The following INTU variants were observed in gnomAD, a reference collection of about 807,000 sequenced individuals.
INTU encodes the protein inturned planar cell polarity protein.
INTU carries 68 observed loss-of-function variants against 100.5 expected under a neutral mutation model. That is an observed-to-expected ratio of 0.68 (90% CI 0.56 to 0.83). The LOEUF is 0.83. INTU is among the 40% of genes least tolerant of loss of function. The pLI is 0.00. For synonymous variants in INTU, 357 were observed against 395.7 expected (o/e 0.90, Z 1.16); for missense variants, 1,071 against 1,114.7 (o/e 0.96, Z 0.56).
chr4:127,688,556 CTA>C (rs1393875354), intron 8 of INTU, among the ~76,000 whole-genome samples: 2 of 152,134 alleles, frequency 1.3e-5, no homozygotes, highest in Non-Finnish European at 2.9e-5. Flanking sequence ...GAAACCTAGG[CTA>C]TGTTACAGTA....
chr4:127,643,333 C>T (rs1727415447), intron 1 of INTU, among the ~76,000 whole-genome samples, 188 bp from the exon 2 acceptor site: 2 of 151,988 alleles, frequency 1.3e-5, no homozygotes, highest in Admixed American at 1.3e-4. Context: ...AAAAAAGCAT[C>T]CTATATGAAA....
chr4:127,668,786 C>T (rs1728801343), intron 4 of INTU, among the ~76,000 whole-genome samples: 1 of 151,538 alleles, frequency 6.6e-6, no homozygotes, highest in Non-Finnish European at 1.5e-5. Context: ...AATCAGTATC[C>T]TACTTAGTAT....
intron 7 of INTU, among the ~76,000 whole-genome samples, chr4:127,684,922 A>G (rs777383584): frequency 1.3e-5 from 2 of 152,050 alleles, no homozygotes; most frequent in African/African-American, 4.8e-5. Flanking sequence ...TCTTCATAAC[A>G]GATACAGAAA....
chr4:127,673,571 A>C (rs2126211770), intron 5 of INTU, among the ~76,000 whole-genome samples: 1 of 149,808 alleles, frequency 6.7e-6, no homozygotes, highest in African/African-American at 2.4e-5. Flanking sequence ...TTTCTATAAT[A>C]GGTCTATTTT....
At chr4:127,685,602 G>C in intron 7 of INTU, 1 of 359,536 alleles carries the variant, frequency 2.8e-6, no homozygotes, top group Non-Finnish European at 5.6e-6. Flanking sequence ...TCCATAAATA[G>C]TGCTTTTACC....
At chr4:127,661,648 T>G (rs1728481737) in intron 3 of INTU, among the ~76,000 whole-genome samples, 1 of 152,084 alleles carries the variant, frequency 6.6e-6, no homozygotes, top group African/African-American at 2.4e-5. Context: ...GGGGACAATC[T>G]TCAGAGCTCC....
chr4:127,671,788 A>G (rs1728939074), intron 5 of INTU, among the ~76,000 whole-genome samples: 1 of 152,114 alleles, frequency 6.6e-6, no homozygotes. Flanking sequence ...GAACAAATAA[A>G]TAAATGGAGT....
rs777101381 is a variant in INTU, at chr4:127,704,272, G to A, written c.1548G>A (p.Gly516=). The A allele has an allele frequency of 6.2e-7, 1 of 1,610,690 alleles. No homozygotes were observed. The highest frequency in any genetic ancestry group is 8.5e-7 in the Non-Finnish European group (1 of 1,178,116). ...YDMRRLYTIL[G]SSLFYKGYLI... ...TGAGGCGGCTGTATACAATTTTGGG[G>A]TCTTCTCTATTTTACAAGGTAAGTT... is the stretch of plus-strand genomic sequence containing the variant. The change falls in exon 10 of 16, where the codon GGG becomes GGA. Residue 516 remains glycine (G), a synonymous_variant. Coordinates refer to ENST00000335251, the MANE Select transcript of INTU (RefSeq NM_015693.4).
chr4:127,712,006 G>T (rs1190603713), intron 14 of INTU, among the ~76,000 whole-genome samples: 1 of 152,160 alleles, frequency 6.6e-6, no homozygotes, highest in African/African-American at 2.4e-5. Flanking sequence ...TTGATTTCTT[G>T]AAAAGGATAA....
chr4:127,652,268 T>A (rs1226828748), intron 2 of INTU, among the ~76,000 whole-genome samples: 1 of 146,028 alleles, frequency 6.8e-6, no homozygotes, highest in Non-Finnish European at 1.5e-5. Context: ...TGAATAGGAG[T>A]GGTGAGAGAC....
intron 1 of INTU, among the ~76,000 whole-genome samples, chr4:127,640,790 A>G (rs568133970): frequency 2.0e-4 from 31 of 151,826 alleles, no homozygotes; most frequent in African/African-American, 7.0e-4. Context: ...ATAGGTACAT[A>G]TATAATGATT....
Position 127,700,066 on chromosome 4 carries a change from A to T in INTU, c.1503+3A>T. On this transcript the variant is annotated splice_donor_region_variant and intron_variant, in intron 9 of 15. Transcript: ENST00000335251. ...AGGCTGCAGATTTTGCAGAACTGGTAAGGGAAGGAGTGGATTTTATAAAAG... is the reference window on the plus strand; with the variant it reads ...AGGCTGCAGATTTTGCAGAACTGGTTAGGGAAGGAGTGGATTTTATAAAAG... 6.2e-7 allele frequency: 1 copy of T among 1,603,074 alleles called. No homozygotes were observed. Among genetic ancestry groups the T allele is most frequent in the East Asian group, 2.2e-5 (1 of 44,446 alleles).
intron 2 of INTU, among the ~76,000 whole-genome samples, chr4:127,645,581 A>G (rs1051171923): frequency 2.0e-5 from 3 of 150,746 alleles, no homozygotes; most frequent in Non-Finnish European, 3.0e-5. Flanking sequence ...TATTTTTGAG[A>G]TGGAGTTTTG....
chr4:127,667,551 G>A (rs1728750290), intron 4 of INTU, among the ~76,000 whole-genome samples: 1 of 152,074 alleles, frequency 6.6e-6, no homozygotes, highest in Non-Finnish European at 1.5e-5. Flanking sequence ...ATTTCAAAAT[G>A]TAAAGACCAT....
At chr4:127,673,592 A>G (rs1425446621) in intron 5 of INTU, among the ~76,000 whole-genome samples, 4 of 147,074 alleles carry the variant, frequency 2.7e-5, no homozygotes, top group African/African-American at 1.0e-4. Context: ...TGTTTGGCCT[A>G]GAGTTTTCTT....
At chr4:127,673,077 T>A (rs927804101) in intron 5 of INTU, among the ~76,000 whole-genome samples, 1 of 152,244 alleles carries the variant, frequency 6.6e-6, no homozygotes, top group African/African-American at 2.4e-5. Flanking sequence ...CCATACTGAT[T>A]GTCATCTCAG....
chr4:127,651,008 A>T (rs1727840032), intron 2 of INTU, among the ~76,000 whole-genome samples: 1 of 152,100 alleles, frequency 6.6e-6, no homozygotes, highest in Non-Finnish European at 1.5e-5. Flanking sequence ...TGGCTGCATA[A>T]ATGTCATCTT....
chr4:127,637,033 A>G (rs1727103227), intron 1 of INTU, among the ~76,000 whole-genome samples: 1 of 152,166 alleles, frequency 6.6e-6, no homozygotes, highest in Non-Finnish European at 1.5e-5. Context: ...AAGGCTACCC[A>G]TCTCATTTAC....
intron 3 of INTU, among the ~76,000 whole-genome samples, chr4:127,662,119 CT>C (rs763053892): frequency 6.6e-6 from 1 of 152,070 alleles, no homozygotes; most frequent in East Asian, 1.9e-4. Flanking sequence ...CATTTGCCCA[CT>C]TTTTAATGGG....
Sources: allele counts gnomAD v4.1 joint callset (sites outside exome capture counted in the v4.1 genomes callset), GRCh38; gene constraint gnomAD v4.1.1; transcripts MANE v1.5; gene names NCBI Gene and HGNC (gene_info 2026-07-23, HGNC 2026-07-21).